DOCK10: variants seen among roughly 807,000 people sequenced by gnomAD.
The protein encoded by DOCK10 is dedicator of cytokinesis protein 10.
A neutral mutation model predicts 280.1 loss-of-function variants in DOCK10; 145 were observed. The observed-to-expected ratio is 0.52, with a 90% CI of 0.45 to 0.59. DOCK10 has a LOEUF of 0.59. DOCK10 is among the 20% of genes least tolerant of loss of function. DOCK10 has a pLI of 0.00. For missense variants in DOCK10, 2,368 were observed against 2,651.7 expected, an observed-to-expected ratio of 0.89 and a Z score of 2.35; for synonymous variants, 915 against 942.2, an observed-to-expected ratio of 0.97 and a Z score of 0.53.
chr2:225,035,630 G>A (rs1022990866), intron 1 of DOCK10, among the ~76,000 whole-genome samples: 9 of 127,668 alleles, frequency 7.0e-5, no homozygotes, highest in Admixed American at 1.6e-4. Context: ...TAGTCAGTGC[G>A]GGCTGCCATA....
At chr2:224,993,017 C>T (rs1283178574) in intron 1 of DOCK10, among the ~76,000 whole-genome samples, 2 of 152,152 alleles carry the variant, frequency 1.3e-5, no homozygotes, top group East Asian at 1.9e-4. Flanking sequence ...AACAGTGTCA[C>T]AAAAGAGGTA....
chr2:224,792,169 T>C (rs1574829682), intron 47 of DOCK10, among the ~76,000 whole-genome samples: 1 of 152,254 alleles, frequency 6.6e-6, no homozygotes, highest in South Asian at 2.1e-4. Context: ...AAAGGAAATC[T>C]GTACCATAAG....
At chr2:224,961,412 C>CTTTCTT (rs57668925) in intron 1 of DOCK10, among the ~76,000 whole-genome samples, 7,359 of 119,400 alleles carry the variant, frequency 0.062, 344 homozygotes, top group Non-Finnish European at 0.07. Context: ...TTCTTTCTTT[C>CTTTCTT]TCTTTCTTTC....
intron 7 of DOCK10, among the ~76,000 whole-genome samples, chr2:224,878,136 CCCCTCCGGCAATGT>C (rs1018496072): frequency 2.0e-5 from 3 of 152,120 alleles, no homozygotes; most frequent in African/African-American, 7.2e-5. Flanking sequence ...ATTTCTAATA[CCCCTCCGGCAATGT>C]TCTCTTTCTT....
chr2:224,794,856 A>G (rs772344697), intron 45 of DOCK10, 23 bp downstream of exon 45: 12 of 1,611,466 alleles, frequency 7.4e-6, no homozygotes, highest in East Asian at 2.2e-5. Flanking sequence ...CTGATGGTAA[A>G]TGACCAAGCC....
intron 2 of DOCK10, among the ~76,000 whole-genome samples, chr2:224,930,388 T>C (rs116878290): frequency 0.013 from 1,904 of 152,224 alleles, 35 homozygotes; most frequent in East Asian, 0.074. Context: ...CTGCACGAGA[T>C]AAGTCTCTCT....
chr2:224,771,299 A>G (rs1690426634), intron 53 of DOCK10, among the ~76,000 whole-genome samples: 1 of 152,158 alleles, frequency 6.6e-6, no homozygotes, highest in African/African-American at 2.4e-5. Context: ...TAATTCCAAT[A>G]TATTTATTTA....
chr2:224,973,645 C>T (rs956482933), intron 1 of DOCK10, among the ~76,000 whole-genome samples: 1 of 152,018 alleles, frequency 6.6e-6, no homozygotes, highest in Admixed American at 6.5e-5. Flanking sequence ...ATGTAATACA[C>T]GTGTTTTAAC....
At position 224,812,697 on chromosome 2, in the gene DOCK10, G is replaced by C. The variant is rs537752804; in HGVS notation, c.3409+1623C>G. ...ATTTATTGAGAGTTTTTAGCATGAA[G>C]CATTGTTGAATTTTGTCAAAGGCCT... On this transcript the variant is annotated intron_variant, in intron 31 of 55. Coordinates refer to ENST00000258390, the MANE Select transcript of DOCK10 (RefSeq NM_014689.3). 3.2e-4 allele frequency among the ~76,000 whole-genome samples: 48 copies of C among 152,304 alleles called. No individual in the cohort carries two copies. In the Middle Eastern group the frequency reaches 0.01, roughly 32 times the overall value.
At chr2:224,950,069 T>G (rs1251888877) in intron 1 of DOCK10, among the ~76,000 whole-genome samples, 1 of 152,232 alleles carries the variant, frequency 6.6e-6, no homozygotes, top group Non-Finnish European at 1.5e-5. Flanking sequence ...CCTGAAATCA[T>G]GAGGAACCAC....
At chr2:224,779,222 CTTT>C (rs113624569) in intron 50 of DOCK10, among the ~76,000 whole-genome samples, 1 of 143,192 alleles carries the variant, frequency 7.0e-6, no homozygotes, top group Non-Finnish European at 1.5e-5. Context: ...TATCTGGTTT[CTTT>C]TTTTTTTTTT....
intron 11 of DOCK10, among the ~76,000 whole-genome samples, chr2:224,873,487 G>A (rs1318535516): frequency 6.6e-6 from 1 of 150,730 alleles, no homozygotes. Flanking sequence ...AGGCTTAGGT[G>A]GAAGGATCGC....
chr2:224,774,830 C>T, intron 52 of DOCK10, 75 bp downstream of exon 52: 4 of 1,350,098 alleles, frequency 3.0e-6, no homozygotes, highest in Non-Finnish European at 4.1e-6. Context: ...ACTCTTGATT[C>T]CTACTGATCC....
At chr2:224,768,967 A>G (rs1177160404) in intron 55 of DOCK10, 2 of 454,930 alleles carry the variant, frequency 4.4e-6, no homozygotes, top group Admixed American at 2.4e-5. Flanking sequence ...AAAAAGAGAA[A>G]AGCATTTTTG....
rs187067618 is a variant in DOCK10, at chr2:224,793,463, A to G, written c.5155-6T>C. 1.9e-3 allele frequency: 2,987 copies of G among 1,612,456 alleles called. 5 individuals carry two copies. The highest frequency in any genetic ancestry group is 2.4e-3 in the Non-Finnish European group (2,788 of 1,179,010). Reference sequence around the variant, plus strand: ...TGGATGTAACACATGGCAGCCTGTAATGAGAAAGAAAATAAAGAGGCTCAG... The same window carrying G: ...TGGATGTAACACATGGCAGCCTGTAGTGAGAAAGAAAATAAAGAGGCTCAG... On this transcript the variant is annotated splice_region_variant and splice_polypyrimidine_tract_variant and intron_variant, in intron 45 of 55. Transcript: ENST00000258390.
chr2:224,956,819 A>T lies in DOCK10; in HGVS notation c.124-25151T>A, dbSNP rs184631266. ...TATTTTTATACTGCACGGAGATCTC[A>T]TTTATAAAATCAAATATTCTCTTTT... On this transcript the variant is annotated intron_variant, in intron 1 of 55. Transcript: ENST00000258390. Among the ~76,000 whole-genome samples the T allele has an allele frequency of 3.0e-3, 451 of 152,238 alleles. 8 individuals carry two copies. The highest frequency in any genetic ancestry group is 0.01 in the African/African-American group (431 of 41,542).
At chr2:224,854,283 A>C (rs1340117953) in intron 16 of DOCK10, among the ~76,000 whole-genome samples, 1 of 152,206 alleles carries the variant, frequency 6.6e-6, no homozygotes, top group South Asian at 2.1e-4. Context: ...TAACCAAACA[A>C]ACCAATTTTA....
At chr2:224,985,106 T>G (rs977318806) in intron 1 of DOCK10, among the ~76,000 whole-genome samples, 19 of 152,302 alleles carry the variant, frequency 1.2e-4, no homozygotes, top group Non-Finnish European at 2.2e-4. Context: ...ATCATTAATT[T>G]GGCCTCCAAA....
chr2:224,877,492 GGT>G (rs1164762252), intron 7 of DOCK10, among the ~76,000 whole-genome samples: 11 of 132,858 alleles, frequency 8.3e-5, no homozygotes, highest in Non-Finnish European at 1.6e-4. Context: ...TATTGGAATA[GGT>G]TCCTATTCCA....
Sources: gnomAD v4.1 joint callset for allele counts (sites outside exome capture counted in the v4.1 genomes callset) on GRCh38, gnomAD v4.1.1 for gene constraint, MANE v1.5 for transcripts, NCBI Gene and HGNC (gene_info 2026-07-23, HGNC 2026-07-21) for gene names.